Variants in RCAN3 observed in about 807,000 individuals in gnomAD.
RCAN3 encodes the protein regulator of calcineurin 3.
In RCAN3, 19 loss-of-function variants were observed where a neutral mutation model predicts 21.9. The observed-to-expected ratio is 0.87, with a 90% confidence interval of 0.61 to 1.27. The LOEUF (loss-of-function observed/expected upper bound fraction) is 1.27. Among genes scored for constraint, RCAN3 ranks in the 50% most tolerant of loss-of-function variants. The probability of loss-of-function intolerance (pLI) is 0.00; values close to 1 mark genes in which losing one functional copy is unlikely to be tolerated. For missense variants in RCAN3, 240 were observed against 300.1 expected, an observed-to-expected ratio of 0.80 and a Z score of 1.48; for synonymous variants, 114 against 112.3, an observed-to-expected ratio of 1.01 and a Z score of -0.09.
intron 1 of RCAN3, among the ~76,000 whole-genome samples, chr1:24,512,978 C>T (rs1335245025): frequency 2.0e-5 from 3 of 152,184 alleles, no homozygotes; most frequent in Non-Finnish European, 1.5e-5. Context: ...TGGCTCACAC[C>T]TGTAATCCCA....
chr1:24,506,281 G>T (rs1026236450), intron 1 of RCAN3, among the ~76,000 whole-genome samples: 3 of 152,070 alleles, frequency 2.0e-5, no homozygotes, highest in African/African-American at 7.2e-5. Flanking sequence ...GAAAAAGAAA[G>T]AAATATAGAT....
At chr1:24,526,372 T>C (rs1449084240) in intron 2 of RCAN3, among the ~76,000 whole-genome samples, 2 of 152,246 alleles carry the variant, frequency 1.3e-5, no homozygotes, top group East Asian at 3.9e-4. Context: ...CATTTTGTTA[T>C]AATTCTTAAT....
intron 2 of RCAN3, among the ~76,000 whole-genome samples, chr1:24,526,592 C>T (rs754160088): frequency 1.3e-5 from 2 of 152,060 alleles, no homozygotes; most frequent in Admixed American, 6.6e-5. Flanking sequence ...AGGAAGAATT[C>T]GTTGTGGGGG....
chr1:24,509,845 C>T (rs539513665), intron 1 of RCAN3, among the ~76,000 whole-genome samples: 6 of 152,280 alleles, frequency 3.9e-5, no homozygotes, highest in Non-Finnish European at 7.3e-5. Context: ...TCTCTGGCAG[C>T]TGTATACTTA....
chr1:24,511,532 A>G (rs1306039454), intron 1 of RCAN3, among the ~76,000 whole-genome samples: 5 of 152,224 alleles, frequency 3.3e-5, no homozygotes, highest in Non-Finnish European at 5.9e-5. Context: ...CGTGTCGGTT[A>G]GGAACACCCA....
chr1:24,504,391 C>G (rs1469925810), intron 1 of RCAN3, among the ~76,000 whole-genome samples: 1 of 152,144 alleles, frequency 6.6e-6, no homozygotes, highest in Non-Finnish European at 1.5e-5. Context: ...TGTTCTTGAA[C>G]TCCTGGGCTC....
At chr1:24,505,225 C>CTTTTTTTTTTTTTTTTTTT (rs1351108344) in intron 1 of RCAN3, among the ~76,000 whole-genome samples, 15 of 109,552 alleles carry the variant, frequency 1.4e-4, no homozygotes, top group South Asian at 3.0e-4. Context: ...TTTTTTTTCT[C>CTTTTTTTTTTTTTTTTTTT]TTTTTTCTTT....
At chr1:24,529,914 C>T (rs1305186961) in intron 2 of RCAN3, among the ~76,000 whole-genome samples, 1 of 150,740 alleles carries the variant, frequency 6.6e-6, no homozygotes, top group Non-Finnish European at 1.5e-5. Flanking sequence ...TGTGGTAGCA[C>T]GTGCCTCTAC....
At position 24,525,545 on chromosome 1, in the gene RCAN3, A is replaced by C. The variant is rs988123377; in HGVS notation, c.196-5673A>C. ...TTAATGATGATTTTTATTTTAATGG[A>C]ATCCCCATTATCTTTTCTCAAATAA... On this transcript the variant is annotated intron_variant, in intron 2 of 4. Transcript: ENST00000374395. The surrounding 1 kb of genome is among the most constrained non-coding windows in gnomAD (Gnocchi z 4.1). Among the ~76,000 whole-genome samples the C allele has an allele frequency of 6.6e-6, 1 of 152,168 alleles. No homozygotes were observed. The highest frequency in any genetic ancestry group is 2.4e-5 in the African/African-American group (1 of 41,442).
chr1:24,503,502 T>G (rs1001571136), intron 1 of RCAN3, among the ~76,000 whole-genome samples: 11 of 152,218 alleles, frequency 7.2e-5, no homozygotes, highest in African/African-American at 2.7e-4. Flanking sequence ...AGGAGCGGTG[T>G]AGGGGCGCCT....
chr1:24,527,944 CTCTT>C (rs764408840), intron 2 of RCAN3, among the ~76,000 whole-genome samples: 24 of 152,174 alleles, frequency 1.6e-4, no homozygotes, highest in South Asian at 2.1e-4. Context: ...AAATATTGCT[CTCTT>C]TCTTTTTCTC....
chr1:24,515,252 A>G (rs1275375504), intron 2 of RCAN3, among the ~76,000 whole-genome samples: 3 of 152,198 alleles, frequency 2.0e-5, no homozygotes, highest in Admixed American at 2.0e-4. Flanking sequence ...TCACAAAAGA[A>G]GGAATTCAGC....
chr1:24,513,201 C>T (rs1048187246), intron 1 of RCAN3, among the ~76,000 whole-genome samples: 2 of 152,078 alleles, frequency 1.3e-5, no homozygotes, highest in Admixed American at 6.5e-5. Flanking sequence ...TGTGCCACTG[C>T]ACTCCAGCCT....
chr1:24,519,806 G>A (rs1039650748), intron 2 of RCAN3, among the ~76,000 whole-genome samples: 7 of 152,178 alleles, frequency 4.6e-5, no homozygotes, highest in East Asian at 1.9e-4. Flanking sequence ...TGCTATGATC[G>A]AGAAACAGAA....
At chr1:24,520,596 A>G (rs1215860814) in intron 2 of RCAN3, among the ~76,000 whole-genome samples, 1 of 149,586 alleles carries the variant, frequency 6.7e-6, no homozygotes, top group Non-Finnish European at 1.5e-5. Context: ...AAAACCAAAC[A>G]CTGCATGTTC....
chr1:24,513,664 A>G (rs943719930), intron 1 of RCAN3, among the ~76,000 whole-genome samples: 3 of 152,180 alleles, frequency 2.0e-5, no homozygotes, highest in Non-Finnish European at 4.4e-5. Context: ...CTCAAAAACA[A>G]AAGTGCTGGG....
At chr1:24,510,983 A>G (rs1448638725) in intron 1 of RCAN3, among the ~76,000 whole-genome samples, 1 of 152,088 alleles carries the variant, frequency 6.6e-6, no homozygotes, top group East Asian at 1.9e-4. Context: ...AAATGGCCTC[A>G]CTCAGTAAAG....
chr1:24,523,884 T>G (rs1233026954), intron 2 of RCAN3, among the ~76,000 whole-genome samples: 4 of 152,198 alleles, frequency 2.6e-5, no homozygotes, highest in Admixed American at 6.5e-5. Context: ...TATGCTAAAC[T>G]GTATGCTAAA....
Position 24,533,109 on chromosome 1 carries a change from C to G in RCAN3, c.396C>G (p.Asp132Glu). The G allele has an allele frequency of 6.5e-7, 1 of 1,531,828 alleles. No individual in the cohort carries two copies. The highest frequency in any genetic ancestry group is 1.3e-5 in the South Asian group (1 of 77,866). The allele number at this position is 1,531,828 out of a possible 1,614,324, so 94.9% of individuals were successfully genotyped here. Residue 132 changes from aspartate to glutamate, a missense_variant, in exon 4 of 5, where the codon GAC (aspartate) becomes GAG (glutamate). Coordinates refer to ENST00000374395, the MANE Select transcript of RCAN3 (RefSeq NM_013441.4). ...AQVQMSGEVR[D>E]KSYLLPPQPV... The stretch of plus-strand genomic sequence containing the variant: ...TGCAGATGTCCGGCGAAGTGCGGGA[C>G]AAGTCCTATCTCCTGCCGCCCCAGC...
Sources: gnomAD v4.1 joint callset for allele counts (sites outside exome capture counted in the v4.1 genomes callset) on GRCh38, gnomAD v4.1.1 for gene constraint, Gnocchi (gnomAD v3.1) non-coding constraint, MANE v1.5 for transcripts, NCBI Gene and HGNC (gene_info 2026-07-23, HGNC 2026-07-21) for gene names.